EFCAB13: variants seen among roughly 807,000 people sequenced by gnomAD.
EFCAB13 encodes EF-hand calcium-binding domain-containing protein 13.
A neutral mutation model predicts 110.2 loss-of-function variants in EFCAB13; 91 were observed. That is an observed-to-expected ratio of 0.83 (90% CI 0.70 to 0.98). EFCAB13 has a LOEUF of 0.98. Ranked by LOEUF, EFCAB13 falls within the 50% of genes least tolerant of loss-of-function variation. The pLI is 0.00. For synonymous variants in EFCAB13, 323 were observed against 369.9 expected, an observed-to-expected ratio of 0.87 and a Z score of 1.45; for missense variants, 968 against 1,119.4, an observed-to-expected ratio of 0.86 and a Z score of 1.93.
intron 14 of EFCAB13, among the ~76,000 whole-genome samples, chr17:47,387,649 T>G (rs553669527): frequency 0.05 from 7,571 of 152,276 alleles, 251 homozygotes; most frequent in East Asian, 0.11. Flanking sequence ...TGCTGTCTTA[T>G]TAAGGTCAGT....
intron 24 of EFCAB13, among the ~76,000 whole-genome samples, chr17:47,433,426 C>CAAG (rs35540634): frequency 0.084 from 12,709 of 152,030 alleles, 693 homozygotes; most frequent in East Asian, 0.28. Context: ...GCCCCATGCT[C>CAAG]AAGAAGAAAA....
rs200910398 is a variant in EFCAB13, at chr17:47,440,474, C to A, written c.2682C>A (p.Ser894=). ...TTCAAGAATTTATGACTAAATTATCCGATATATTGACAATTCCTAAAGCTG... is the reference window on the plus strand; with the variant it reads ...TTCAAGAATTTATGACTAAATTATCAGATATATTGACAATTCCTAAAGCTG... ...VSIQEFMTKL[S]DILTIPKAAG... The change falls in exon 25 of 25, where the codon TCC becomes TCA. Residue 894 remains serine, a synonymous_variant. Transcript: ENST00000331493. The A allele has an allele frequency of 1.2e-6, 2 of 1,605,002 alleles. No individual in the cohort carries two copies. Among genetic ancestry groups the A allele is most frequent in the Admixed American group, 1.7e-5 (1 of 58,194 alleles).
At position 47,344,824 on chromosome 17, in the gene EFCAB13, T is replaced by C. The variant is rs146944989; in HGVS notation, c.435-192T>C. On this transcript the variant is annotated intron_variant, in intron 7 of 24. Transcript: ENST00000331493. ...ATTTGCAGACTAGGGTGAATTCTGC[T>C]TTATAGAAAAATATCTCGAAAAGAA... 5.3e-4 allele frequency among the ~76,000 whole-genome samples: 81 copies of C among 152,240 alleles called. 1 individual carries two copies. In the East Asian group the frequency reaches 0.013, roughly 24 times the overall value.
chr17:47,342,986 C>T (rs1426809081), intron 6 of EFCAB13, among the ~76,000 whole-genome samples: 3 of 151,916 alleles, frequency 2.0e-5, no homozygotes, highest in African/African-American at 7.3e-5. Context: ...AAAATATGCC[C>T]TGTGTCATGT....
At chr17:47,365,836 C>G (rs1446160271) in intron 10 of EFCAB13, among the ~76,000 whole-genome samples, 1 of 151,752 alleles carries the variant, frequency 6.6e-6, no homozygotes, top group Non-Finnish European at 1.5e-5. Context: ...AGAAACAAAG[C>G]AAAAATAAAA....
chr17:47,388,679 C>A (rs1249985219), intron 14 of EFCAB13, among the ~76,000 whole-genome samples: 1 of 152,090 alleles, frequency 6.6e-6, no homozygotes, highest in Non-Finnish European at 1.5e-5. Context: ...TTGATTATTT[C>A]CAGTTTGGGG....
chr17:47,347,176 A>T (rs2065421687), intron 8 of EFCAB13, among the ~76,000 whole-genome samples: 1 of 152,196 alleles, frequency 6.6e-6, no homozygotes, highest in Admixed American at 6.5e-5. Flanking sequence ...CTGAGGTAGG[A>T]GGATTGTTTA....
chr17:47,396,236 T>C (rs2065737494), intron 17 of EFCAB13, among the ~76,000 whole-genome samples: 1 of 149,662 alleles, frequency 6.7e-6, no homozygotes, highest in Non-Finnish European at 1.5e-5. Context: ...TGTGGTATGT[T>C]ACTGGAAAAT....
intron 9 of EFCAB13, among the ~76,000 whole-genome samples, chr17:47,348,566 T>C (rs1267722684): frequency 1.3e-5 from 2 of 152,114 alleles, no homozygotes; most frequent in African/African-American, 2.4e-5. Context: ...TTCATATTGT[T>C]GTATACTGCT....
intron 9 of EFCAB13, among the ~76,000 whole-genome samples, chr17:47,358,744 TACACACATA>T (rs1213238752): frequency 1.3e-5 from 2 of 152,184 alleles, no homozygotes; most frequent in East Asian, 3.9e-4. Flanking sequence ...ACCTCAATAG[TACACACATA>T]CATTTTCATC....
At chr17:47,418,760 T>G (rs907426826) in intron 23 of EFCAB13, among the ~76,000 whole-genome samples, 5 of 152,224 alleles carry the variant, frequency 3.3e-5, no homozygotes, top group African/African-American at 4.8e-5. Context: ...TTTATCTTTT[T>G]TGTTCCAGAT....
Position 47,361,507 on chromosome 17 carries a change from A to G in EFCAB13, c.791A>G (p.His264Arg), listed in dbSNP as rs2065512870. 6.3e-7 allele frequency: 1 copy of G among 1,577,986 alleles called. No individual in the cohort carries two copies. The highest frequency in any genetic ancestry group is 1.7e-5 in the Admixed American group (1 of 57,432). Reference protein sequence around the residue: ...NREILEEVTKHTYIDSNHMVD... With the variant: ...NREILEEVTKRTYIDSNHMVD... ...GAAATTTTAGAAGAAGTGACAAAAC[A>G]TACCTATATTGACAGTGAGTTATTT... Residue 264 changes from histidine (H) to arginine (R), a missense_variant, in exon 10 of 25, where the codon CAT becomes CGT. His to Arg is a conservative substitution (Grantham distance 29). Transcript: ENST00000331493.
chr17:47,385,506 GTTC>G (rs2065671383), intron 14 of EFCAB13, among the ~76,000 whole-genome samples: 1 of 151,868 alleles, frequency 6.6e-6, no homozygotes, highest in Non-Finnish European at 1.5e-5. Context: ...GGTCATTTAT[GTTC>G]TTCTCTAAAT....
rs1367853955 is a variant in EFCAB13, at chr17:47,404,603, AG to A, written c.2206del (p.Asp736ThrfsTer18). The A allele has an allele frequency of 6.2e-7, 1 of 1,612,712 alleles. No individual in the cohort carries two copies. The highest frequency in any genetic ancestry group is 8.5e-7 in the Non-Finnish European group (1 of 1,179,204). ...CATTAAAGACTGTATGAGGGCTTTG[AG>A]GGACACCCAGAAATTTTCCAATTAT... is the stretch of plus-strand genomic sequence containing the variant. ...VNIKDCMRAL[R>X]DTQKFSNYID... On this transcript the variant is annotated frameshift_variant, in exon 20 of 25. Coordinates refer to ENST00000331493, the MANE Select transcript of EFCAB13 (RefSeq NM_152347.5). LOFTEE classifies it high-confidence loss of function.
intron 14 of EFCAB13, among the ~76,000 whole-genome samples, chr17:47,390,361 CTGTG>C (rs1271269626): frequency 2.0e-5 from 3 of 149,512 alleles, no homozygotes; most frequent in Non-Finnish European, 3.0e-5. Flanking sequence ...CTCTCTCTCT[CTGTG>C]TTTTTTCATC....
At chr17:47,433,341 G>A (rs965072424) in intron 24 of EFCAB13, among the ~76,000 whole-genome samples, 2 of 152,052 alleles carry the variant, frequency 1.3e-5, no homozygotes, top group African/African-American at 2.4e-5. Context: ...AGTGGTGTCT[G>A]CCATATTTTT....
intron 14 of EFCAB13, among the ~76,000 whole-genome samples, chr17:47,389,707 C>T (rs2065695780): frequency 6.6e-6 from 1 of 151,918 alleles, no homozygotes; most frequent in Non-Finnish European, 1.5e-5. Flanking sequence ...CACCCTTTCC[C>T]CAGATTTCTG....
rs1598752351 is a variant in EFCAB13 at position 47,402,289 on chromosome 17, C to T, written c.2017+86C>T. 3 of 1,234,414 alleles carry T rather than the reference C, an allele frequency of 2.4e-6. No individual in the cohort carries two copies. The East Asian group carries it at 7.1e-5, about 29-fold the overall frequency. The allele number at this position is 1,234,414 out of a possible 1,614,324, so 76.5% of individuals were successfully genotyped here. A position where few individuals can be genotyped will look rare whatever the true frequency, so the allele number is the denominator to read the frequency against. ...TTTTGTTTTTAATGCTGTGTGTTCA[C>T]CTAATTTCTGGTTAACATGTTGGCA... On this transcript the variant is annotated intron_variant, in intron 18 of 24. Coordinates refer to ENST00000331493, the MANE Select transcript of EFCAB13 (RefSeq NM_152347.5).
At chr17:47,399,856 A>G (rs2065769641) in intron 17 of EFCAB13, among the ~76,000 whole-genome samples, 1 of 152,230 alleles carries the variant, frequency 6.6e-6, no homozygotes, top group Admixed American at 6.5e-5. Flanking sequence ...CCAAATATCT[A>G]GTCATGTAGC....
Sources: gnomAD v4.1 joint callset for allele counts (sites outside exome capture counted in the v4.1 genomes callset) on GRCh38, gnomAD v4.1.1 for gene constraint, MANE v1.5 for transcripts, NCBI Gene and HGNC (gene_info 2026-07-23, HGNC 2026-07-21) for gene names.